The following ZFAND4 variants were observed in gnomAD, a reference collection of about 807,000 sequenced individuals.
ZFAND4 encodes the protein AN1-type zinc finger protein 4.
Under a neutral mutation model 64.4 loss-of-function variants are expected in ZFAND4, and 43 were observed. The ratio of observed to expected loss-of-function variants is 0.67; its 90% CI spans 0.52 to 0.86. The LOEUF (loss-of-function observed/expected upper bound fraction) is 0.86, where lower values mean the gene tolerates loss of function less well. Ranked by LOEUF, ZFAND4 falls within the 40% of genes least tolerant of loss-of-function variation. The pLI, the probability that ZFAND4 is intolerant of heterozygous loss-of-function variation, is 0.00. For synonymous variants in ZFAND4, 296 were observed against 305.7 expected (o/e 0.97, Z 0.33); for missense variants, 929 against 859.8 (o/e 1.08, Z -1.01).
chr10:45,630,740 T>A, intron 6 of ZFAND4, among the ~76,000 whole-genome samples: 1 of 145,636 alleles, frequency 6.9e-6, no homozygotes. Context: ...ACAAAAATAC[T>A]GAGGAAAGGT....
chr10:45,634,720 C>T (rs77820794), intron 6 of ZFAND4, among the ~76,000 whole-genome samples: 9,084 of 151,962 alleles, frequency 0.06, 395 homozygotes, highest in African/African-American at 0.12. Flanking sequence ...GTCAAATTAT[C>T]CTTGATTGCA....
intron 5 of ZFAND4, among the ~76,000 whole-genome samples, chr10:45,647,780 G>A (rs1296259863): frequency 6.6e-6 from 1 of 152,126 alleles, no homozygotes; most frequent in Non-Finnish European, 1.5e-5. Context: ...AGTGAAAGGA[G>A]ATAAAAAAAT....
Position 45,616,121 on chromosome 10 carries a change from T to C in ZFAND4, c.*315A>G, listed in dbSNP as rs2044925355. On this transcript the variant is annotated 3_prime_UTR_variant, in exon 10 of 10. Coordinates refer to ENST00000344646, the MANE Select transcript of ZFAND4 (RefSeq NM_174890.4). Reference sequence around the variant, plus strand: ...GCCTGGTTATTTAGGAAATATTTCGTTTCCTAAAGTGCATCTTTTGAAGAT... The same window carrying C: ...GCCTGGTTATTTAGGAAATATTTCGCTTCCTAAAGTGCATCTTTTGAAGAT... 2 of 260,744 alleles carry C rather than the reference T, an allele frequency of 7.7e-6. No homozygotes were observed. Among genetic ancestry groups the C allele is most frequent in the East Asian group, 1.0e-4 (1 of 9,780 alleles). 16.2% of individuals were successfully genotyped at this position (260,744 alleles called of 1,614,324 possible). A position where few individuals can be genotyped will look rare whatever the true frequency, so the allele number is the denominator to read the frequency against.
chr10:45,622,132 G>T (rs959653014), intron 8 of ZFAND4, among the ~76,000 whole-genome samples: 1 of 152,164 alleles, frequency 6.6e-6, no homozygotes, highest in Non-Finnish European at 1.5e-5. Flanking sequence ...TAATAAAAAC[G>T]ATGTGATACT....
rs758225422 is a variant in ZFAND4, at chr10:45,618,340, T to C, written c.1928-80A>G. On this transcript the variant is annotated intron_variant, in intron 8 of 9. Transcript: ENST00000344646. Reference sequence around the variant, plus strand: ...ATATTATTAAGCAAAACACAAAACATAGTCCTATCAAAGTAAATATCTATG... The same window carrying C: ...ATATTATTAAGCAAAACACAAAACACAGTCCTATCAAAGTAAATATCTATG... The C allele has an allele frequency of 2.7e-4, 407 of 1,510,270 alleles. 1 individual carries two copies. The highest frequency in any genetic ancestry group is 3.4e-4 in the Non-Finnish European group (384 of 1,118,506). The allele number at this position is 1,510,270 out of a possible 1,614,324, so 93.6% of individuals were successfully genotyped here. A position where few individuals can be genotyped will look rare whatever the true frequency, so the allele number is the denominator to read the frequency against.
At position 45,616,480 on chromosome 10, in the gene ZFAND4, C is replaced by A. The variant is rs759964148; in HGVS notation, c.2140G>T (p.Glu714Ter). The A allele has an allele frequency of 1.2e-5, 19 of 1,614,172 alleles. No homozygotes were observed. Among genetic ancestry groups the A allele is most frequent in the Admixed American group, 1.7e-5 (1 of 60,028 alleles). Residue 714 changes from glutamate to a stop codon, truncating the protein, a stop_gained, in exon 10 of 10, where the codon GAG (glutamate) becomes TAG (stop). Coordinates refer to ENST00000344646, the MANE Select transcript of ZFAND4 (RefSeq NM_174890.4). LOFTEE classifies it high-confidence loss of function. ...YKSAGRRYLH[E>*]ANPVVNAPKL... Reference sequence around the variant, plus strand: ...GGTGCATTAACCACAGGATTTGCCTCGTGCAAGTATCTCCTCCCTGCACTC... The same window carrying A: ...GGTGCATTAACCACAGGATTTGCCTAGTGCAAGTATCTCCTCCCTGCACTC...
chr10:45,620,694 T>G (rs1296161595), intron 8 of ZFAND4: 1 of 152,198 alleles, frequency 6.6e-6, no homozygotes, highest in African/African-American at 2.4e-5. Context: ...CTAAATTCCT[T>G]GGACTGGCAT....
intron 5 of ZFAND4, among the ~76,000 whole-genome samples, chr10:45,640,831 G>C (rs1013591501): frequency 2.6e-5 from 4 of 152,102 alleles, no homozygotes; most frequent in Non-Finnish European, 5.9e-5. Flanking sequence ...ATTTTTCTAA[G>C]TGTGTTTGAA....
At chr10:45,642,910 CTT>C (rs749998698) in intron 5 of ZFAND4, among the ~76,000 whole-genome samples, 3 of 83,830 alleles carry the variant, frequency 3.6e-5, no homozygotes, top group East Asian at 3.8e-4. Flanking sequence ...TTCTCCAAAT[CTT>C]TTTTTTTTTT....
At position 45,626,537 on chromosome 10, in the gene ZFAND4, G is replaced by A. The variant is rs947229261; in HGVS notation, c.1286C>T (p.Thr429Ile). 6.2e-7 allele frequency: 1 copy of A among 1,614,080 alleles called. No individual in the cohort carries two copies. The highest frequency in any genetic ancestry group is 8.5e-7 in the Non-Finnish European group (1 of 1,180,044). Residue 429 changes from threonine (T) to isoleucine (I), a missense_variant, in exon 7 of 10, where the codon ACT becomes ATT. Coordinates refer to ENST00000344646, the MANE Select transcript of ZFAND4 (RefSeq NM_174890.4). Reference sequence around the variant, plus strand: ...AGCTTTCAACCCTTTGTCAGCATTAGTGAGTAGCAACTCCAGATTCACTTT... The same window carrying A: ...AGCTTTCAACCCTTTGTCAGCATTAATGAGTAGCAACTCCAGATTCACTTT... ...ACKVNLELLL[T>I]NADKGLKAPE...
chr10:45,650,160 G>A (rs2047667051), intron 4 of ZFAND4: 1 of 152,034 alleles, frequency 6.6e-6, no homozygotes, highest in Non-Finnish European at 1.5e-5. Context: ...AGACTGGACT[G>A]TAGTGGCGCA....
intron 7 of ZFAND4, among the ~76,000 whole-genome samples, 191 bp downstream of exon 7, chr10:45,625,760 T>C (rs2045770035): frequency 6.6e-6 from 1 of 152,162 alleles, no homozygotes; most frequent in Non-Finnish European, 1.5e-5. Flanking sequence ...ACTGTTCTCA[T>C]TTCAGGACTA....
intron 5 of ZFAND4, 134 bp from the exon 6 acceptor site, chr10:45,640,097 A>G: frequency 7.7e-7 from 1 of 1,301,096 alleles, no homozygotes; most frequent in Admixed American, 2.8e-5. Flanking sequence ...TGTTAATGTC[A>G]GGAAAATATA....
chr10:45,619,999 A>G (rs954445951), intron 8 of ZFAND4, among the ~76,000 whole-genome samples: 7 of 152,238 alleles, frequency 4.6e-5, no homozygotes, highest in Non-Finnish European at 7.3e-5. Flanking sequence ...AGAAAGGCAT[A>G]TATTACAAGA....
intron 2 of ZFAND4, among the ~76,000 whole-genome samples, chr10:45,657,720 G>A (rs2048223457): frequency 6.6e-6 from 1 of 151,860 alleles, no homozygotes; most frequent in Non-Finnish European, 1.5e-5. Context: ...AGTAACTATG[G>A]TACTTCCTTA....
chr10:45,617,958 G>A (rs1277207499), intron 9 of ZFAND4, 182 bp downstream of exon 9: 1 of 508,050 alleles, frequency 2.0e-6, no homozygotes, highest in Non-Finnish European at 3.2e-6. Context: ...TTTGTCTTTT[G>A]GAAACCCATG....
intron 6 of ZFAND4, among the ~76,000 whole-genome samples, chr10:45,633,627 C>A (rs1168239907): frequency 2.6e-5 from 4 of 151,668 alleles, no homozygotes; most frequent in African/African-American, 9.7e-5. Flanking sequence ...TGAGGAAATA[C>A]CAACTAAAAT....
At chr10:45,652,878 T>C (rs7091141) in intron 3 of ZFAND4, 106 bp downstream of exon 3, 118,488 of 815,894 alleles carry the variant, frequency 0.15, 10,127 homozygotes, top group Non-Finnish European at 0.18. Context: ...ATGTGAACTA[T>C]TCAGGAGAAA....
At position 45,626,481 on chromosome 10, in the gene ZFAND4, C is replaced by G. The variant is rs922774288; in HGVS notation, c.1342G>C (p.Val448Leu). Residue 448 changes from valine (V) to leucine (L), a missense_variant, in exon 7 of 10, where the codon GTG becomes CTG. Transcript: ENST00000344646. ...GTCTCTACTGATTCCCCATTCAGCA[C>G]TCCTGCAACATGCTTGAGATGCTGC... ...PEQHLKHVAGVLNGESVETSV... is the reference protein window; with the variant it reads ...PEQHLKHVAGLLNGESVETSV... 6.2e-7 allele frequency: 1 copy of G among 1,613,674 alleles called. No individual in the cohort carries two copies. The highest frequency in any genetic ancestry group is 1.3e-5 in the African/African-American group (1 of 74,940).
Sources: allele counts gnomAD v4.1 joint callset (sites outside exome capture counted in the v4.1 genomes callset), GRCh38; gene constraint gnomAD v4.1.1; transcripts MANE v1.5; gene names NCBI Gene and HGNC (gene_info 2026-07-23, HGNC 2026-07-21).